NT5C2: variants seen among roughly 807,000 people sequenced by gnomAD.
The protein encoded by NT5C2 is 5'-nucleotidase, cytosolic II, also known as cytosolic purine 5'-nucleotidase.
In NT5C2, 58 loss-of-function variants were observed where a neutral mutation model predicts 76.1. The ratio of observed to expected loss-of-function variants is 0.76; its 90% CI spans 0.62 to 0.95. The LOEUF (loss-of-function observed/expected upper bound fraction) is 0.95. NT5C2 is among the 40% of genes least tolerant of loss of function. The pLI is 0.00. For synonymous variants in NT5C2, 229 were observed against 237.4 expected, an observed-to-expected ratio of 0.96 and a Z score of 0.32; for missense variants, 478 against 690.3, an observed-to-expected ratio of 0.69 and a Z score of 3.45.
At chr10:103,170,379 A>G (rs185602133) in intron 3 of NT5C2, among the ~76,000 whole-genome samples, 9 of 152,164 alleles carry the variant, frequency 5.9e-5, no homozygotes, top group Admixed American at 2.0e-4. Flanking sequence ...TGTTTTTTCT[A>G]TTGTTTCCAG....
At chr10:103,182,110 C>T (rs941148582) in intron 1 of NT5C2, among the ~76,000 whole-genome samples, 3 of 152,054 alleles carry the variant, frequency 2.0e-5, no homozygotes, top group Non-Finnish European at 2.9e-5. Context: ...TTGGCAAACG[C>T]TCTTTAAAAA....
chr10:103,154,734 A>T (rs12414232), intron 3 of NT5C2, among the ~76,000 whole-genome samples: 47,947 of 152,010 alleles, frequency 0.32, 7,650 homozygotes, highest in Middle Eastern at 0.36. Context: ...AATATATCTC[A>T]TGGGAAATAC....
intron 6 of NT5C2, 55 bp from the exon 7 acceptor site, chr10:103,101,381 G>T: frequency 1.0e-6 from 1 of 998,686 alleles, no homozygotes; most frequent in South Asian, 1.4e-5. Flanking sequence ...ATAATAATTG[G>T]GAAATAGCAT....
intron 4 of NT5C2, among the ~76,000 whole-genome samples, chr10:103,113,756 G>A (rs1565019302): frequency 1.3e-5 from 2 of 152,074 alleles, no homozygotes; most frequent in Non-Finnish European, 2.9e-5. Flanking sequence ...AGTATAGAGA[G>A]ACAAAAAGAG....
intron 3 of NT5C2, among the ~76,000 whole-genome samples, chr10:103,165,791 C>A (rs1000460724): frequency 7.2e-5 from 11 of 152,128 alleles, no homozygotes; most frequent in African/African-American, 2.7e-4. Context: ...CCTGCCTCAG[C>A]CTCCCCAGTA....
At chr10:103,184,623 G>A (rs1341913775) in intron 1 of NT5C2, among the ~76,000 whole-genome samples, 2 of 152,160 alleles carry the variant, frequency 1.3e-5, no homozygotes, top group East Asian at 3.8e-4. Flanking sequence ...TCTACACATG[G>A]AGCCCTTTGC....
chr10:103,188,083 G>A (rs1474085298), intron 1 of NT5C2, among the ~76,000 whole-genome samples: 2 of 152,196 alleles, frequency 1.3e-5, no homozygotes, highest in East Asian at 1.9e-4. Flanking sequence ...TAGGGCGGAC[G>A]CGGTGGCTCA....
At position 103,173,611 on chromosome 10, in the gene NT5C2, C is replaced by CAA. The variant is rs1323084034; in HGVS notation, c.101+1245_101+1246dup. ...TGGGCCAGGGAGCGAGACGCCGTCT[C>CAA]AAAAAAAAAAAAAAAAAAAAGAATT... is the stretch of plus-strand genomic sequence containing the variant. On this transcript the variant is annotated intron_variant, in intron 3 of 18. Coordinates refer to ENST00000404739, the MANE Select transcript of NT5C2 (RefSeq NM_001351169.2). 7.7e-3 allele frequency among the ~76,000 whole-genome samples: 334 copies of CAA among 43,112 alleles called. 8 individuals are homozygous for CAA. In the East Asian group the frequency reaches 0.12, roughly 15 times the overall value. The allele number at this position is 43,112 out of a possible 152,430, so 28.3% of individuals were successfully genotyped here. A position where few individuals can be genotyped will look rare whatever the true frequency, so the allele number is the denominator to read the frequency against.
At chr10:103,091,739 G>A in intron 15 of NT5C2, 124 bp from the exon 16 acceptor site, 2 of 745,830 alleles carry the variant, frequency 2.7e-6, no homozygotes, top group Non-Finnish European at 4.7e-6. Flanking sequence ...AACATGCTGA[G>A]TGTACAGTTA....
At chr10:103,138,450 G>A (rs1565146406) in intron 4 of NT5C2, among the ~76,000 whole-genome samples, 2 of 152,006 alleles carry the variant, frequency 1.3e-5, no homozygotes, top group Admixed American at 6.5e-5. Flanking sequence ...CCCCCGACAA[G>A]CCTCAGTGTG....
At chr10:103,108,162 A>G (rs866051334) in intron 4 of NT5C2, among the ~76,000 whole-genome samples, 5 of 152,322 alleles carry the variant, frequency 3.3e-5, no homozygotes, top group African/African-American at 4.8e-5. Context: ...CAAAAAGAAA[A>G]AAAAGAAAAG....
At position 103,146,341 on chromosome 10, in the gene NT5C2, A is replaced by G. The variant is rs2081474799; in HGVS notation, c.102-6862T>C. On this transcript the variant is annotated intron_variant, in intron 3 of 18. Transcript: ENST00000404739. The stretch of plus-strand genomic sequence containing the variant: ...CTCCTCCCCTTGCCTAGGAGTCACA[A>G]TTTCCTGGCCAAGTGCCCAATGACA... The G allele has an allele frequency of 4.1e-6, 4 of 985,306 alleles. No homozygotes were observed. In the South Asian group the frequency reaches 1.4e-4, roughly 35 times the overall value. 61.0% of individuals were successfully genotyped at this position (985,306 alleles called of 1,614,324 possible). A position where few individuals can be genotyped will look rare whatever the true frequency, so the allele number is the denominator to read the frequency against.
chr10:103,163,621 T>A (rs1466275629), intron 3 of NT5C2, among the ~76,000 whole-genome samples: 1 of 152,042 alleles, frequency 6.6e-6, no homozygotes, highest in Non-Finnish European at 1.5e-5. Context: ...TATTGTTAAA[T>A]TTTAAAAGTT....
chr10:103,127,112 A>C (rs552522498), intron 4 of NT5C2, among the ~76,000 whole-genome samples: 1 of 152,216 alleles, frequency 6.6e-6, no homozygotes, highest in Non-Finnish European at 1.5e-5. Flanking sequence ...CAGTGCCTTT[A>C]GCTGCTGTAT....
chr10:103,158,163 C>T lies in NT5C2; in HGVS notation c.101+16695G>A, dbSNP rs145191294. On this transcript the variant is annotated intron_variant, in intron 3 of 18. Transcript: ENST00000404739. ...TAAATAATAGAAATCACAAAGAAAG[C>T]TAGAAAACGCTTACAATTTAACGAA... Among the ~76,000 whole-genome samples, 580 of 151,464 alleles carry T rather than the reference C, an allele frequency of 3.8e-3. 7 individuals are homozygous for T. Among genetic ancestry groups the T allele is most frequent in the African/African-American group, 0.013 (548 of 41,390 alleles).
rs151065095 is a variant in NT5C2 at position 103,089,786 on chromosome 10, C to T, written c.1572G>A (p.Leu524=). The T allele has an allele frequency of 2.6e-5, 42 of 1,613,938 alleles. No homozygotes were observed. In the African/African-American group the frequency reaches 5.2e-4, roughly 20 times the overall value. Residue 524 remains leucine, a synonymous_variant, in exon 19 of 19, where the codon CTG becomes CTA. Coordinates refer to ENST00000404739, the MANE Select transcript of NT5C2 (RefSeq NM_001351169.2). ...GTTTAATCTCACTAATTGACCGTGTCAGCTGGTGCCGCTTGTAGTCAGTGT... is the reference window on the plus strand; with the variant it reads ...GTTTAATCTCACTAATTGACCGTGTTAGCTGGTGCCGCTTGTAGTCAGTGT... ...FKDTDYKRHQ[L]TRSISEIKPP...
intron 3 of NT5C2, among the ~76,000 whole-genome samples, chr10:103,166,988 G>A (rs951271688): frequency 9.4e-5 from 14 of 149,444 alleles, no homozygotes; most frequent in South Asian, 2.1e-4. Flanking sequence ...TTCTTATTCC[G>A]ACAAGATATA....
rs529522775 is a variant in NT5C2 at position 103,088,982 on chromosome 10, A to T, written c.*690T>A. The T allele has an allele frequency of 4.8e-6, 1 of 209,470 alleles. No individual in the cohort carries two copies. Among genetic ancestry groups the T allele is most frequent in the African/African-American group, 2.3e-5 (1 of 44,108 alleles). 13.0% of individuals were successfully genotyped at this position (209,470 alleles called of 1,614,324 possible). A position where few individuals can be genotyped will look rare whatever the true frequency, so the allele number is the denominator to read the frequency against. ...TATAGATTTATCACAGATAAGAAGGAGGTTGTTTTTGGATAACAAATAAGC... is the reference window on the plus strand; with the variant it reads ...TATAGATTTATCACAGATAAGAAGGTGGTTGTTTTTGGATAACAAATAAGC... On this transcript the variant is annotated 3_prime_UTR_variant, in exon 19 of 19. Coordinates refer to ENST00000404739, the MANE Select transcript of NT5C2 (RefSeq NM_001351169.2).
chr10:103,117,101 A>T (rs907199267), intron 4 of NT5C2, among the ~76,000 whole-genome samples: 5 of 152,234 alleles, frequency 3.3e-5, no homozygotes, highest in Non-Finnish European at 7.3e-5. Context: ...AAAGTAGCTT[A>T]GTTTAAATAA....
Sources: gnomAD v4.1 joint callset for allele counts (sites outside exome capture counted in the v4.1 genomes callset) on GRCh38, gnomAD v4.1.1 for gene constraint, MANE v1.5 for transcripts, NCBI Gene and HGNC (gene_info 2026-07-23, HGNC 2026-07-21) for gene names.